Variants in CXCR5 observed in about 807,000 individuals in gnomAD.
CXCR5 encodes the protein C-X-C chemokine receptor type 5.
CXCR5 carries 3 observed loss-of-function variants against 5.6 expected under a neutral mutation model. The observed-to-expected ratio is 0.54, with a 90% CI of 0.24 to 1.39. The LOEUF (loss-of-function observed/expected upper bound fraction) is 1.39. Among genes scored for constraint, CXCR5 ranks in the 40% most tolerant of loss-of-function variants. The pLI, the probability that CXCR5 is intolerant of heterozygous loss-of-function variation, is 0.16. For synonymous variants in CXCR5, 218 were observed against 219.9 expected (o/e 0.99, Z 0.08); for missense variants, 333 against 494.6 (o/e 0.67, Z 3.10).
intron 1 of CXCR5, among the ~76,000 whole-genome samples, chr11:118,888,226 C>CCA (rs1204608011): frequency 6.6e-6 from 1 of 152,156 alleles, no homozygotes; most frequent in Non-Finnish European, 1.5e-5. Context: ...CCTAAAGGTA[C>CCA]CATCTCATTG....
At chr11:118,892,092 C>T (rs551073087) in intron 1 of CXCR5, among the ~76,000 whole-genome samples, 9 of 152,166 alleles carry the variant, frequency 5.9e-5, no homozygotes, top group Non-Finnish European at 1.2e-4. Context: ...AGATGGTCTC[C>T]TGAGCATTAG....
At position 118,894,546 on chromosome 11, in the gene CXCR5, G is replaced by A. The variant is rs147267963; in HGVS notation, c.1002G>A (p.Ser334=). The change falls in exon 2 of 2, where the codon TCG becomes TCA. Residue 334 remains serine, a synonymous_variant. Coordinates refer to ENST00000292174, the MANE Select transcript of CXCR5 (RefSeq NM_001716.5). This position sits in a 1 kb window ranked among gnomAD's most constrained non-coding sequence, Gnocchi z 6.1. ...FAGVKFRSDL[S]RLLTKLGCTG... Reference sequence around the variant, plus strand: ...GCGTGAAGTTCCGCAGTGACCTGTCGCGGCTCCTGACGAAGCTGGGCTGTA... The same window carrying A: ...GCGTGAAGTTCCGCAGTGACCTGTCACGGCTCCTGACGAAGCTGGGCTGTA... The A allele has an allele frequency of 1.2e-4, 193 of 1,570,330 alleles. No homozygotes were observed. Among genetic ancestry groups the A allele is most frequent in the Middle Eastern group, 1.7e-4 (1 of 5,860 alleles).
intron 1 of CXCR5, among the ~76,000 whole-genome samples, chr11:118,891,991 C>T (rs775230906): frequency 1.6e-4 from 24 of 151,818 alleles, no homozygotes; most frequent in African/African-American, 1.9e-4. Flanking sequence ...AACATTGATG[C>T]GATGGGATTT....
At position 118,893,788 on chromosome 11, in the gene CXCR5, A is replaced by C. The variant is rs202087123; in HGVS notation, c.244A>C (p.Thr82Pro). ...VLVILERHRQTRSSTETFLFH... is the reference protein window; with the variant it reads ...VLVILERHRQPRSSTETFLFH... ...GGTGATCCTGGAGCGGCACCGGCAG[A>C]CACGCAGTTCCACGGAGACCTTCCT... Residue 82 changes from threonine to proline, a missense_variant, in exon 2 of 2, where the codon ACA becomes CCA. Physicochemically the swap from Thr to Pro is conservative, Grantham distance 38. Transcript: ENST00000292174. This position sits in a 1 kb window ranked among gnomAD's most constrained non-coding sequence, Gnocchi z 5.7. 1.2e-4 allele frequency: 196 copies of C among 1,614,086 alleles called. No homozygotes were observed. The Admixed American group carries it at 1.5e-3, about 12-fold the overall frequency.
chr11:118,897,233 G>A lies in CXCR5; in HGVS notation c.*2570G>A, dbSNP rs2137668531. The A allele has an allele frequency of 6.4e-6, 1 of 155,938 alleles. No individual in the cohort carries two copies. 9.7% of individuals were successfully genotyped at this position (155,938 alleles called of 1,614,324 possible). ...TGGCAGCAGCCTCTGGAAAAGTCAG[G>A]GCCCTGGAGGTTACCTGGCCCAGGG... On this transcript the variant is annotated 3_prime_UTR_variant, in exon 2 of 2. Transcript: ENST00000292174.
intron 1 of CXCR5, chr11:118,886,393 G>A (rs1187949861): frequency 2.3e-6 from 1 of 429,628 alleles, no homozygotes; most frequent in African/African-American, 2.1e-5. Flanking sequence ...CATAAGCCAG[G>A]TTCGTCATTC....
chr11:118,891,809 T>C (rs1188582331), intron 1 of CXCR5, among the ~76,000 whole-genome samples: 1 of 141,324 alleles, frequency 7.1e-6, no homozygotes. Flanking sequence ...AGGCGGAGGT[T>C]GCAGTGAGCC....
rs1188624392 is a variant in CXCR5, at chr11:118,893,559, C to T, written c.52-37C>T. The T allele has an allele frequency of 2.6e-6, 4 of 1,535,724 alleles. No homozygotes were observed. Among genetic ancestry groups the T allele is most frequent in the Non-Finnish European group, 3.5e-6 (4 of 1,138,536 alleles). On this transcript the variant is annotated intron_variant, in intron 1 of 1. Transcript: ENST00000292174. This position sits in a 1 kb window ranked among gnomAD's most constrained non-coding sequence, Gnocchi z 5.7. ...TCCTCTCAGAGAGGAAAGACAGGTC[C>T]TTAGGTCCTCACCCTCCCGTCTCCT...
At chr11:118,885,349 TAAG>T (rs1395297858) in intron 1 of CXCR5, among the ~76,000 whole-genome samples, 2 of 152,120 alleles carry the variant, frequency 1.3e-5, no homozygotes, top group African/African-American at 4.8e-5. Context: ...TTATTATAAA[TAAG>T]AAGGCAACAG....
chr11:118,891,390 A>G (rs1336072861), intron 1 of CXCR5, among the ~76,000 whole-genome samples: 1 of 151,858 alleles, frequency 6.6e-6, no homozygotes, highest in Non-Finnish European at 1.5e-5. Flanking sequence ...CCCAGGCTGG[A>G]GCGTAGCAGC....
intron 1 of CXCR5, among the ~76,000 whole-genome samples, chr11:118,884,853 AAC>A (rs1475461770): frequency 6.6e-6 from 1 of 152,100 alleles, no homozygotes; most frequent in East Asian, 1.9e-4. Context: ...CAACCAGAGA[AAC>A]ACAGGGTTCC....
Position 118,897,734 on chromosome 11 carries a change from A to AG in CXCR5, c.*3077dup, listed in dbSNP as rs1292086418. 4.5e-6 allele frequency: 2 copies of AG among 446,926 alleles called. No individual in the cohort carries two copies. Among genetic ancestry groups the AG allele is most frequent in the South Asian group, 1.6e-5 (1 of 63,494 alleles). The allele number at this position is 446,926 out of a possible 1,614,324, so 27.7% of individuals were successfully genotyped here. Reference sequence around the variant, plus strand: ...AATGGAGGGAGCAATAACTTGAAGAAGGGGGGAAGGGTTTCTTTTATCCTT... The same window carrying AG: ...AATGGAGGGAGCAATAACTTGAAGAAGGGGGGGAAGGGTTTCTTTTATCCTT... On this transcript the variant is annotated 3_prime_UTR_variant, in exon 2 of 2. Transcript: ENST00000292174.
chr11:118,894,621 T>C lies in CXCR5; in HGVS notation c.1077T>C (p.Ser359=). The C allele has an allele frequency of 6.6e-7, 1 of 1,513,786 alleles. No homozygotes were observed. The highest frequency in any genetic ancestry group is 8.8e-7 in the Non-Finnish European group (1 of 1,131,648). The allele number at this position is 1,513,786 out of a possible 1,614,324, so 93.8% of individuals were successfully genotyped here. The change falls in exon 2 of 2, where the codon AGT becomes AGC. Residue 359 remains serine, a synonymous_variant. Coordinates refer to ENST00000292174, the MANE Select transcript of CXCR5 (RefSeq NM_001716.5). This position sits in a 1 kb window ranked among gnomAD's most constrained non-coding sequence, Gnocchi z 6.1. ...CQLFPSWRRS[S]LSESENATSL... The stretch of plus-strand genomic sequence containing the variant: ...TCTTCCCTAGCTGGCGCAGGAGCAG[T>C]CTCTCTGAGTCAGAGAATGCCACCT...
In CXCR5 at chr11:118,883,969, G is replaced by A. The variant is rs376334978; in HGVS notation, c.28G>A (p.Asp10Asn). The A allele has an allele frequency of 2.4e-4, 385 of 1,612,778 alleles. No individual in the cohort carries two copies. Among genetic ancestry groups the A allele is most frequent in the Non-Finnish European group, 3.1e-4 (368 of 1,179,400 alleles). Residue 10 changes from aspartate to asparagine, a missense_variant, in exon 1 of 2, where the codon GAC becomes AAC. Physicochemically the swap from Asp to Asn is conservative, Grantham distance 23 (BLOSUM62 1). Transcript: ENST00000292174. MNYPLTLEM[D>N]LENLEDLFWE... The stretch of plus-strand genomic sequence containing the variant: ...GAACTACCCGCTAACGCTGGAAATG[G>A]ACCTCGAGAACCTGGAGGACCTGGT...
rs1939796829 is a variant in CXCR5, at chr11:118,890,775, G to C, written c.52-2821G>C. Among the ~76,000 whole-genome samples, 3 of 152,224 alleles carry C rather than the reference G, an allele frequency of 2.0e-5. No homozygotes were observed. The South Asian group carries it at 6.2e-4, about 31-fold the overall frequency. On this transcript the variant is annotated intron_variant, in intron 1 of 1. Coordinates refer to ENST00000292174, the MANE Select transcript of CXCR5 (RefSeq NM_001716.5). The stretch of plus-strand genomic sequence containing the variant: ...TTTTCTTCAATGAAAGCTTATGTGT[G>C]AAGCACTGCACAAGTCAAAAGTGGA...
rs1412977552 is a variant in CXCR5, at chr11:118,884,062, C to G, written c.51+70C>G. The G allele has an allele frequency of 1.0e-5, 15 of 1,486,298 alleles. No homozygotes were observed. In the Admixed American group the frequency reaches 2.6e-4, roughly 25 times the overall value. 92.1% of individuals were successfully genotyped at this position (1,486,298 alleles called of 1,614,324 possible). A position where few individuals can be genotyped will look rare whatever the true frequency, so the allele number is the denominator to read the frequency against. ...AATTCTAACATCCTTTGCCAGAGTC[C>G]GAGGGAGAGGGGACAGTGTGGGAAT... On this transcript the variant is annotated intron_variant, in intron 1 of 1. Transcript: ENST00000292174.
At position 118,894,522 on chromosome 11, in the gene CXCR5, C is replaced by T. The variant is rs12795395; in HGVS notation, c.978C>T (p.Gly326=). ...CLNPMLYTFA[G]VKFRSDLSRL... ...ACCCCATGCTCTACACTTTCGCCGG[C>T]GTGAAGTTCCGCAGTGACCTGTCGC... The change falls in exon 2 of 2, where the codon GGC becomes GGT. Residue 326 remains glycine, a synonymous_variant. Coordinates refer to ENST00000292174, the MANE Select transcript of CXCR5 (RefSeq NM_001716.5). This position sits in a 1 kb window ranked among gnomAD's most constrained non-coding sequence, Gnocchi z 6.1. 0.025 allele frequency: 39,435 copies of T among 1,586,714 alleles called. 586 individuals carry two copies. Among genetic ancestry groups the T allele is most frequent in the Non-Finnish European group, 0.029 (33,651 of 1,164,006 alleles).
rs1304002471 is a variant in CXCR5, at chr11:118,895,542, G to A, written c.*879G>A. The A allele has an allele frequency of 1.8e-5, 3 of 167,130 alleles. No individual in the cohort carries two copies. The highest frequency in any genetic ancestry group is 4.8e-5 in the African/African-American group (2 of 41,442). 10.4% of individuals were successfully genotyped at this position (167,130 alleles called of 1,614,324 possible). On this transcript the variant is annotated 3_prime_UTR_variant, in exon 2 of 2. Coordinates refer to ENST00000292174, the MANE Select transcript of CXCR5 (RefSeq NM_001716.5). The surrounding 1 kb of genome is among the most constrained non-coding windows in gnomAD (Gnocchi z 4.2). ...GATGGGGTGGGGTGGAGAACTCCTA[G>A]GGTGGCTGGGTCCAGGGGATGGGAG...
In CXCR5 at chr11:118,894,951, G is replaced by GC; in HGVS notation, c.*289dup. The stretch of plus-strand genomic sequence containing the variant: ...CCCCCCTGGGCTGAGAGAACCTCAC[G>GC]CACCTCCCATCCTAATCATCCAATG... On this transcript the variant is annotated 3_prime_UTR_variant, in exon 2 of 2. Transcript: ENST00000292174. This position sits in a 1 kb window ranked among gnomAD's most constrained non-coding sequence, Gnocchi z 6.1. The GC allele has an allele frequency of 2.7e-6, 1 of 369,338 alleles. No individual in the cohort carries two copies. The highest frequency in any genetic ancestry group is 4.3e-5 in the Admixed American group (1 of 23,168). 22.9% of individuals were successfully genotyped at this position (369,338 alleles called of 1,614,324 possible). A position where few individuals can be genotyped will look rare whatever the true frequency, so the allele number is the denominator to read the frequency against.
Sources: gnomAD v4.1 joint callset for allele counts (sites outside exome capture counted in the v4.1 genomes callset) on GRCh38, gnomAD v4.1.1 for gene constraint, Gnocchi (gnomAD v3.1) non-coding constraint, MANE v1.5 for transcripts, NCBI Gene and HGNC (gene_info 2026-07-23, HGNC 2026-07-21) for gene names.